Variants in LCORL observed in about 807,000 individuals in gnomAD.
LCORL encodes the protein ligand dependent nuclear receptor corepressor like.
Under a neutral mutation model 141.8 loss-of-function variants are expected in LCORL, and 41 were observed. That is an observed-to-expected ratio of 0.29 (90% CI 0.23 to 0.38). The LOEUF (loss-of-function observed/expected upper bound fraction) is 0.38, where lower values mean the gene tolerates loss of function less well. Ranked by LOEUF, LCORL falls within the 10% of genes least tolerant of loss-of-function variation. The pLI, the probability that LCORL is intolerant of heterozygous loss-of-function variation, is 1.00. For missense variants in LCORL, 1,759 were observed against 2,035.0 expected, an observed-to-expected ratio of 0.86 and a Z score of 2.61; for synonymous variants, 618 against 694.1, an observed-to-expected ratio of 0.89 and a Z score of 1.72.
At chr4:17,846,856 T>C (rs1006956505) in intron 7 of LCORL, among the ~76,000 whole-genome samples, 3 of 152,186 alleles carry the variant, frequency 2.0e-5, no homozygotes, top group African/African-American at 7.2e-5. Flanking sequence ...TTGCATTGGA[T>C]TGTGAACTAT....
chr4:17,851,764 T>G (rs1435808996), intron 7 of LCORL, among the ~76,000 whole-genome samples: 1 of 152,214 alleles, frequency 6.6e-6, no homozygotes, highest in African/African-American at 2.4e-5. Flanking sequence ...CTTCGGAGAC[T>G]GTACCATTTT....
At chr4:17,879,637 A>G (rs1298843614) in intron 6 of LCORL, among the ~76,000 whole-genome samples, 2 of 151,060 alleles carry the variant, frequency 1.3e-5, no homozygotes, top group East Asian at 3.9e-4. Flanking sequence ...ATAGTTTTAA[A>G]AAATATATGT....
At chr4:17,852,379 C>T (rs112289704) in intron 7 of LCORL, among the ~76,000 whole-genome samples, 14,219 of 151,844 alleles carry the variant, frequency 0.094, 873 homozygotes, top group South Asian at 0.22. Flanking sequence ...AACCTCTTGC[C>T]TCATTTTCTT....
Position 17,909,621 on chromosome 4 carries a change from C to T in LCORL, c.431-276G>A, listed in dbSNP as rs141590283. Reference sequence around the variant, plus strand: ...ACAAATAAAGAATTAGACATAGAAGCGGAACAACTTATTCTCAAGAGTTTT... The same window carrying T: ...ACAAATAAAGAATTAGACATAGAAGTGGAACAACTTATTCTCAAGAGTTTT... On this transcript the variant is annotated intron_variant, in intron 4 of 7. Transcript: ENST00000635767. Among the ~76,000 whole-genome samples, 837 of 152,064 alleles carry T rather than the reference C, an allele frequency of 5.5e-3. 9 individuals are homozygous for T. Among genetic ancestry groups the T allele is most frequent in the African/African-American group, 0.019 (784 of 41,494 alleles).
At chr4:17,877,527 T>C (rs1280279678) in exon 7 of LCORL, 4 of 1,230,420 alleles carry the variant, frequency 3.3e-6, no homozygotes, top group Non-Finnish European at 4.1e-6. Context: ...ATGATCACTC[T>C]TATTGCTGCT....
intron 1 of LCORL, among the ~76,000 whole-genome samples, chr4:18,008,835 C>T (rs149272255): frequency 2.0e-5 from 3 of 152,056 alleles, no homozygotes; most frequent in African/African-American, 7.2e-5. Context: ...CAAGAACATA[C>T]GTAGACTAAT....
At chr4:18,013,859 A>C (rs1724204949) in intron 1 of LCORL, among the ~76,000 whole-genome samples, 1 of 151,294 alleles carries the variant, frequency 6.6e-6, no homozygotes, top group South Asian at 2.1e-4. Context: ...CCTAGGCTGG[A>C]GTACAGTTGC....
chr4:18,019,777 G>A (rs868641889), intron 1 of LCORL, among the ~76,000 whole-genome samples: 3 of 152,118 alleles, frequency 2.0e-5, no homozygotes, highest in South Asian at 2.1e-4. Flanking sequence ...AATATCATAA[G>A]CCAGTGTTGC....
At chr4:17,903,386 C>T (rs1731163176) in intron 5 of LCORL, among the ~76,000 whole-genome samples, 1 of 151,930 alleles carries the variant, frequency 6.6e-6, no homozygotes, top group African/African-American at 2.4e-5. Flanking sequence ...TATAGGATTG[C>T]CTATGCTTCA....
intron 1 of LCORL, among the ~76,000 whole-genome samples, chr4:17,991,803 A>G (rs1162224612): frequency 1.3e-5 from 2 of 152,204 alleles, no homozygotes; most frequent in African/African-American, 2.4e-5. Context: ...TCCTTAAAAA[A>G]GAAAAAAATC....
chr4:17,996,480 T>C (rs1720938261), intron 1 of LCORL, among the ~76,000 whole-genome samples: 2 of 152,062 alleles, frequency 1.3e-5, no homozygotes, highest in African/African-American at 2.4e-5. Context: ...AAATAACTTA[T>C]AGAAAACAGA....
At chr4:17,894,756 C>T (rs1729631449) in intron 5 of LCORL, among the ~76,000 whole-genome samples, 1 of 152,026 alleles carries the variant, frequency 6.6e-6, no homozygotes, top group African/African-American at 2.4e-5. Flanking sequence ...CTAATTTTAA[C>T]CTGGTATATC....
At chr4:17,965,970 C>T (rs1433611618) in intron 2 of LCORL, among the ~76,000 whole-genome samples, 3 of 151,948 alleles carry the variant, frequency 2.0e-5, no homozygotes, top group African/African-American at 4.8e-5. Context: ...GAATATTGAG[C>T]TAGATTTTTC....
At chr4:17,978,597 T>C in intron 1 of LCORL, among the ~76,000 whole-genome samples, 1 of 132,648 alleles carries the variant, frequency 7.5e-6, no homozygotes, top group Admixed American at 7.3e-5. Flanking sequence ...AAAAAAAAAG[T>C]TTAGCTTTCT....
At chr4:17,895,477 A>G (rs1729781504) in intron 5 of LCORL, among the ~76,000 whole-genome samples, 1 of 152,210 alleles carries the variant, frequency 6.6e-6, no homozygotes, top group Admixed American at 6.6e-5. Flanking sequence ...ACGTTGTTGC[A>G]AATGACAGGA....
At chr4:18,013,443 T>G (rs900528015) in intron 1 of LCORL, among the ~76,000 whole-genome samples, 1 of 152,256 alleles carries the variant, frequency 6.6e-6, no homozygotes, top group African/African-American at 2.4e-5. Flanking sequence ...GCCCAGATAC[T>G]ACTACTACAT....
intron 1 of LCORL, among the ~76,000 whole-genome samples, chr4:18,016,758 A>C (rs901775274): frequency 2.6e-5 from 4 of 152,130 alleles, no homozygotes; most frequent in Admixed American, 6.5e-5. Context: ...TTAAATTTAC[A>C]TGTTTTACTT....
At chr4:17,984,022 A>G (rs1288571403) in intron 1 of LCORL, among the ~76,000 whole-genome samples, 1 of 152,152 alleles carries the variant, frequency 6.6e-6, no homozygotes, top group Non-Finnish European at 1.5e-5. Context: ...CTGCTGAGAT[A>G]ATCATGTGGT....
At chr4:17,874,144 G>A (rs1274550796) in exon 7 of LCORL, 1 of 1,233,814 alleles carries the variant, frequency 8.1e-7, no homozygotes, top group Non-Finnish European at 1.0e-6. Flanking sequence ...ACTGTTCCAT[G>A]GTTGTGCAGC....
Sources: allele counts gnomAD v4.1 joint callset (sites outside exome capture counted in the v4.1 genomes callset), GRCh38; gene constraint gnomAD v4.1.1; transcripts MANE v1.5; gene names NCBI Gene and HGNC (gene_info 2026-07-23, HGNC 2026-07-21).